Variants in ROPN1B observed in about 807,000 individuals in gnomAD.
The protein encoded by ROPN1B is rhophilin associated tail protein 1B.
ROPN1B carries 13 observed loss-of-function variants against 23.7 expected under a neutral mutation model. The ratio of observed to expected loss-of-function variants is 0.55; its 90% CI spans 0.36 to 0.87. The LOEUF (loss-of-function observed/expected upper bound fraction) is 0.87. Among genes scored for constraint, ROPN1B ranks in the 40% least tolerant of loss-of-function variants. The probability of loss-of-function intolerance (pLI) is 0.01; values close to 1 mark genes in which losing one functional copy is unlikely to be tolerated. For synonymous variants in ROPN1B, 67 were observed against 100.4 expected (o/e 0.67, Z 1.99); for missense variants, 183 against 249.2 (o/e 0.73, Z 1.79).
chr3:125,978,445 T>C (rs1938498300), intron 5 of ROPN1B, among the ~76,000 whole-genome samples: 1 of 152,206 alleles, frequency 6.6e-6, no homozygotes, highest in Admixed American at 6.5e-5. Flanking sequence ...TCCTGAAATT[T>C]TAGTCTGATG....
chr3:125,979,418 T>G (rs913105518), intron 5 of ROPN1B, among the ~76,000 whole-genome samples: 1 of 152,096 alleles, frequency 6.6e-6, no homozygotes, highest in Admixed American at 6.5e-5. Flanking sequence ...CTCTGGGAGT[T>G]GATTAGGTCA....
At chr3:125,981,513 C>T (rs1938610891) in intron 5 of ROPN1B, among the ~76,000 whole-genome samples, 1 of 152,172 alleles carries the variant, frequency 6.6e-6, no homozygotes. Context: ...CTTCATTTCA[C>T]AACTCTTTTG....
At position 125,983,437 on chromosome 3, in the gene ROPN1B, A is replaced by C; in HGVS notation, c.*117A>C. 1.4e-6 allele frequency: 1 copy of C among 709,596 alleles called. No homozygotes were observed. Among genetic ancestry groups the C allele is most frequent in the East Asian group, 2.7e-5 (1 of 37,288 alleles). 44.0% of individuals were successfully genotyped at this position (709,596 alleles called of 1,614,324 possible). A position where few individuals can be genotyped will look rare whatever the true frequency, so the allele number is the denominator to read the frequency against. The stretch of plus-strand genomic sequence containing the variant: ...TACAACTGGTACACACTAATAAACA[A>C]ACATGTGAGATCAGAAATGTGCGGA... On this transcript the variant is annotated 3_prime_UTR_variant, in exon 7 of 7. Coordinates refer to ENST00000514116, the MANE Select transcript of ROPN1B (RefSeq NM_001308313.2).
chr3:125,982,717 G>A (rs1938650839), intron 6 of ROPN1B, among the ~76,000 whole-genome samples: 1 of 152,192 alleles, frequency 6.6e-6, no homozygotes, highest in African/African-American at 2.4e-5. Flanking sequence ...CTACACCCTA[G>A]ACCCATGGAA....
chr3:125,973,329 A>C (rs548289529), intron 3 of ROPN1B: 4 of 256,690 alleles, frequency 1.6e-5, no homozygotes, highest in South Asian at 4.0e-5. Flanking sequence ...CTGGATTAGG[A>C]TGCAGCTTTT....
chr3:125,975,991 C>CCTTACTGAT (rs1208993594), intron 4 of ROPN1B, among the ~76,000 whole-genome samples: 1 of 103,890 alleles, frequency 9.6e-6, no homozygotes, highest in Non-Finnish European at 2.3e-5. Flanking sequence ...GACAGTGTCT[C>CCTTACTGAT]CTTACTGATC....
Position 125,983,292 on chromosome 3 carries a change from C to T in ROPN1B, c.611C>T (p.Thr204Ile). 6.2e-7 allele frequency: 1 copy of T among 1,613,558 alleles called. No individual in the cohort carries two copies. The highest frequency in any genetic ancestry group is 8.5e-7 in the Non-Finnish European group (1 of 1,179,590). ...PDGLITVNDF[T>I]QNPRVWLE Reference sequence around the variant, plus strand: ...GGTTTAATCACGGTGAATGACTTTACCCAAAACCCCAGGGTTTGGCTGGAG... The same window carrying T: ...GGTTTAATCACGGTGAATGACTTTATCCAAAACCCCAGGGTTTGGCTGGAG... The change falls in exon 7 of 7, where the codon ACC (threonine) becomes ATC (isoleucine). Residue 204 changes from threonine to isoleucine, a missense_variant. Thr to Ile is a moderately conservative substitution (Grantham distance 89). Transcript: ENST00000514116.
chr3:125,983,201 T>G, intron 6 of ROPN1B, 53 bp from the exon 7 acceptor site: 6 of 1,233,246 alleles, frequency 4.9e-6, no homozygotes, highest in Admixed American at 1.8e-5. Flanking sequence ...ATATTGTCTT[T>G]CTTAAGATTA....
At chr3:125,972,769 C>A in intron 3 of ROPN1B, 1 of 357,644 alleles carries the variant, frequency 2.8e-6, no homozygotes, top group Non-Finnish European at 5.5e-6. Flanking sequence ...CTGATTTGTT[C>A]TGCCAACATA....
At chr3:125,982,779 C>G (rs1247847333) in intron 6 of ROPN1B, among the ~76,000 whole-genome samples, 2 of 152,138 alleles carry the variant, frequency 1.3e-5, no homozygotes, top group Non-Finnish European at 2.9e-5. Context: ...ATAAGCCCCT[C>G]CAGTAACTCT....
At chr3:125,974,087 C>T (rs576354895) in intron 3 of ROPN1B, among the ~76,000 whole-genome samples, 1 of 152,316 alleles carries the variant, frequency 6.6e-6, no homozygotes, top group African/African-American at 2.4e-5. Flanking sequence ...GTTGTCTAAC[C>T]AATTCCACAA....
At chr3:125,975,964 C>G (rs1938395796) in intron 4 of ROPN1B, among the ~76,000 whole-genome samples, 1 of 151,836 alleles carries the variant, frequency 6.6e-6, no homozygotes, top group Non-Finnish European at 1.5e-5. Context: ...CAGAAAAGTG[C>G]AGGTCCTCAG....
chr3:125,969,299 A>T lies in ROPN1B; in HGVS notation c.-160A>T, dbSNP rs1488869441. On this transcript the variant is annotated 5_prime_UTR_variant, in exon 1 of 7. Coordinates refer to ENST00000514116, the MANE Select transcript of ROPN1B (RefSeq NM_001308313.2). The stretch of plus-strand genomic sequence containing the variant: ...CCGAGGTTCTACTGCTCTCCTTCTT[A>T]AGAAGGGTGGGAGGCACTCGGTCTC... 1 of 42,468 alleles carries T rather than the reference A, an allele frequency of 2.4e-5. No individual in the cohort carries two copies. Among genetic ancestry groups the T allele is most frequent in the Admixed American group, 2.1e-4 (1 of 4,822 alleles). 2.6% of individuals were successfully genotyped at this position (42,468 alleles called of 1,614,324 possible). A position where few individuals can be genotyped will look rare whatever the true frequency, so the allele number is the denominator to read the frequency against.
chr3:125,980,049 G>T (rs1198758395), intron 5 of ROPN1B, among the ~76,000 whole-genome samples: 1 of 152,088 alleles, frequency 6.6e-6, no homozygotes, highest in African/African-American at 2.4e-5. Context: ...CTTTTTTTTA[G>T]CAAATTATTC....
intron 2 of ROPN1B, among the ~76,000 whole-genome samples, chr3:125,971,803 C>T (rs1400173895): frequency 6.6e-6 from 1 of 152,018 alleles, no homozygotes; most frequent in African/African-American, 2.4e-5. Flanking sequence ...TGTTGACTTC[C>T]ACTTTTTAAA....
At chr3:125,971,771 G>A (rs1454261194) in intron 2 of ROPN1B, among the ~76,000 whole-genome samples, 2 of 152,118 alleles carry the variant, frequency 1.3e-5, no homozygotes, top group Non-Finnish European at 2.9e-5. Flanking sequence ...ATATTTTAGG[G>A]TGATACCATT....
At position 125,975,669 on chromosome 3, in the gene ROPN1B, C is replaced by T. The variant is rs756401642; in HGVS notation, c.223C>T (p.Leu75=). The T allele has an allele frequency of 6.2e-6, 10 of 1,613,030 alleles. No individual in the cohort carries two copies. Among genetic ancestry groups the T allele is most frequent in the Non-Finnish European group, 8.5e-6 (10 of 1,179,546 alleles). The change falls in exon 4 of 7, where the codon CTG becomes TTG. Residue 75 remains leucine, a synonymous_variant. Transcript: ENST00000514116. The part of the protein sequence containing the change: ...AELTPELLKI[L]HSQVAGRLII... ...GCTAACACCTGAGCTGTTAAAGATC[C>T]TGCATTCTCAGGTAAGGGCCCTGCT...
intron 3 of ROPN1B, among the ~76,000 whole-genome samples, chr3:125,974,481 T>G (rs1362955271): frequency 1.3e-5 from 2 of 152,220 alleles, no homozygotes; most frequent in East Asian, 3.8e-4. Context: ...TCCCTCTATA[T>G]TATTTTCATA....
rs7623187 is a variant in ROPN1B, at chr3:125,973,202, G to A, written c.116+1032G>A. The A allele has an allele frequency of 2.8e-3, 973 of 350,282 alleles. 13 individuals carry two copies. Among genetic ancestry groups the A allele is most frequent in the African/African-American group, 0.02 (912 of 46,392 alleles). The allele number at this position is 350,282 out of a possible 1,614,324, so 21.7% of individuals were successfully genotyped here. A position where few individuals can be genotyped will look rare whatever the true frequency, so the allele number is the denominator to read the frequency against. The stretch of plus-strand genomic sequence containing the variant: ...GAAGGGAAGATGTCCTCAGGCTGAG[G>A]TTGTGAGTGGGTGTCCTGGGCAGAT... On this transcript the variant is annotated intron_variant, in intron 3 of 6. Coordinates refer to ENST00000514116, the MANE Select transcript of ROPN1B (RefSeq NM_001308313.2).
Sources: allele counts gnomAD v4.1 joint callset (sites outside exome capture counted in the v4.1 genomes callset), GRCh38; gene constraint gnomAD v4.1.1; transcripts MANE v1.5; gene names NCBI Gene and HGNC (gene_info 2026-07-23, HGNC 2026-07-21).